Variants in RAPGEF5 observed in about 807,000 individuals in gnomAD.
RAPGEF5 encodes Rap guanine nucleotide exchange factor 5.
RAPGEF5 carries 65 observed loss-of-function variants against 125.2 expected under a neutral mutation model. The ratio of observed to expected loss-of-function variants is 0.52; its 90% CI spans 0.43 to 0.64. The LOEUF (loss-of-function observed/expected upper bound fraction) is 0.64, where lower values mean the gene tolerates loss of function less well. Among genes scored for constraint, RAPGEF5 ranks in the 30% least tolerant of loss-of-function variants. RAPGEF5 has a pLI of 0.00. For synonymous variants in RAPGEF5, 391 were observed against 385.9 expected, an observed-to-expected ratio of 1.01 and a Z score of -0.16; for missense variants, 958 against 1,048.1, an observed-to-expected ratio of 0.91 and a Z score of 1.19.
intron 17 of RAPGEF5, among the ~76,000 whole-genome samples, chr7:22,152,779 T>C (rs1783669869): frequency 6.6e-6 from 1 of 152,232 alleles, no homozygotes; most frequent in African/African-American, 2.4e-5. Flanking sequence ...ATTAAGCTTT[T>C]GAGATTGTTT....
intron 9 of RAPGEF5, among the ~76,000 whole-genome samples, chr7:22,194,346 T>C (rs1379483377): frequency 6.6e-6 from 1 of 152,192 alleles, no homozygotes; most frequent in African/African-American, 2.4e-5. Flanking sequence ...ACTACAAAGT[T>C]CAAAGTTTCA....
chr7:22,290,955 G>A (rs527942552), intron 6 of RAPGEF5, among the ~76,000 whole-genome samples: 1 of 152,128 alleles, frequency 6.6e-6, no homozygotes, highest in South Asian at 2.1e-4. Context: ...AAGGTTGCAG[G>A]AACTTTCCAC....
intron 11 of RAPGEF5, among the ~76,000 whole-genome samples, chr7:22,180,726 A>AT (rs1188503579): frequency 6.6e-6 from 1 of 152,136 alleles, no homozygotes; most frequent in Non-Finnish European, 1.5e-5. Flanking sequence ...ATGGTTCTCA[A>AT]TTTTCTCAAT....
At chr7:22,225,652 G>A (rs1275383335) in intron 8 of RAPGEF5, among the ~76,000 whole-genome samples, 1 of 152,106 alleles carries the variant, frequency 6.6e-6, no homozygotes, top group East Asian at 1.9e-4. Flanking sequence ...GCTTTGCTAT[G>A]GCAGGAGAAG....
At position 22,211,774 on chromosome 7, in the gene RAPGEF5, C is replaced by T. The variant is rs1197994487; in HGVS notation, c.996+8092G>A. Among the ~76,000 whole-genome samples, 3 of 152,036 alleles carry T rather than the reference C, an allele frequency of 2.0e-5. No homozygotes were observed. In the East Asian group the frequency reaches 5.8e-4, roughly 29 times the overall value. On this transcript the variant is annotated intron_variant, in intron 9 of 25. Transcript: ENST00000665637. Reference sequence around the variant, plus strand: ...TTCTTGCTTAAATTCTACACAAAAGCTTCCTATTGCTCTTAGCACACAATG... The same window carrying T: ...TTCTTGCTTAAATTCTACACAAAAGTTTCCTATTGCTCTTAGCACACAATG...
chr7:22,139,823 T>G (rs1319462032), intron 21 of RAPGEF5: 5 of 485,202 alleles, frequency 1.0e-5, no homozygotes, highest in Non-Finnish European at 1.9e-5. Context: ...AGACTAATTC[T>G]AGCTGGGGAG....
intron 24 of RAPGEF5, among the ~76,000 whole-genome samples, chr7:22,126,908 C>A (rs905728720): frequency 1.3e-5 from 2 of 152,176 alleles, no homozygotes; most frequent in African/African-American, 2.4e-5. Flanking sequence ...TAGGTGTGAG[C>A]CACTGTGGCC....
chr7:22,310,818 G>T (rs774725326), intron 3 of RAPGEF5, among the ~76,000 whole-genome samples: 1 of 152,068 alleles, frequency 6.6e-6, no homozygotes, highest in Non-Finnish European at 1.5e-5. Flanking sequence ...CACTAACCAC[G>T]CATGAAAAAT....
At chr7:22,269,961 G>A (rs746233319) in intron 6 of RAPGEF5, among the ~76,000 whole-genome samples, 1 of 152,182 alleles carries the variant, frequency 6.6e-6, no homozygotes, top group Non-Finnish European at 1.5e-5. Context: ...AAGGTCGAAA[G>A]GTTCTGCAGA....
intron 11 of RAPGEF5, among the ~76,000 whole-genome samples, chr7:22,169,542 T>G (rs6964787): frequency 0.77 from 117,171 of 151,776 alleles, 45,659 homozygotes; most frequent in Non-Finnish European, 0.83. Context: ...TCCTCAACCT[T>G]TCAGGTCTGA....
intron 21 of RAPGEF5, among the ~76,000 whole-genome samples, chr7:22,138,987 A>G (rs908854784): frequency 1.3e-5 from 2 of 152,068 alleles, no homozygotes; most frequent in African/African-American, 4.8e-5. Context: ...CGGGGCTTTC[A>G]TTTCTTTTCT....
intron 6 of RAPGEF5, among the ~76,000 whole-genome samples, chr7:22,273,999 A>G (rs1782500922): frequency 6.6e-6 from 1 of 152,136 alleles, no homozygotes; most frequent in Non-Finnish European, 1.5e-5. Context: ...TTACCTTGTC[A>G]TCTCTGCACA....
intron 1 of RAPGEF5, among the ~76,000 whole-genome samples, chr7:22,333,500 G>A (rs757219479): frequency 6.6e-6 from 1 of 152,168 alleles, no homozygotes; most frequent in Non-Finnish European, 1.5e-5. Flanking sequence ...TTTTCTTTGA[G>A]CCAAATTTAA....
intron 6 of RAPGEF5, among the ~76,000 whole-genome samples, chr7:22,273,211 A>ATTTT (rs71026869): frequency 3.0e-4 from 29 of 96,592 alleles, no homozygotes; most frequent in Admixed American, 5.0e-4. Context: ...ACTTAGGAGT[A>ATTTT]TTTTTTTTTT....
intron 8 of RAPGEF5, among the ~76,000 whole-genome samples, chr7:22,228,228 C>G (rs1263414836): frequency 1.3e-5 from 2 of 152,166 alleles, no homozygotes; most frequent in East Asian, 1.9e-4. Context: ...AGGCAGTTTG[C>G]ATGCTGTTTA....
In RAPGEF5 at chr7:22,120,229, C is replaced by T. The variant is rs1782544075; in HGVS notation, c.*2177G>A. The T allele has an allele frequency of 6.6e-6, 1 of 152,192 alleles. No individual in the cohort carries two copies. Among genetic ancestry groups the T allele is most frequent in the Non-Finnish European group, 1.5e-5 (1 of 68,052 alleles). The allele number at this position is 152,192 out of a possible 1,614,324, so 9.4% of individuals were successfully genotyped here. ...TCATTTTCTCCCCAGCCAGTTTACA[C>T]CCATGTCATGTGAGATACTCTGAAG... On this transcript the variant is annotated 3_prime_UTR_variant, in exon 26 of 26. Coordinates refer to ENST00000665637, the MANE Select transcript of RAPGEF5 (RefSeq NM_012294.5). The surrounding 1 kb of genome is among the most constrained non-coding windows in gnomAD (Gnocchi z 4.0).
intron 8 of RAPGEF5, among the ~76,000 whole-genome samples, chr7:22,224,955 G>A (rs973921169): frequency 7.2e-5 from 11 of 151,752 alleles, no homozygotes; most frequent in African/African-American, 2.2e-4. Context: ...GATTTTTCAA[G>A]GAACTCTAAG....
intron 12 of RAPGEF5, chr7:22,162,841 T>G: frequency 2.1e-6 from 1 of 485,360 alleles, no homozygotes; most frequent in Non-Finnish European, 4.0e-6. Flanking sequence ...AGATACTAGG[T>G]GGTCCATTAA....
At chr7:22,172,440 T>A (rs1240015557) in intron 11 of RAPGEF5, among the ~76,000 whole-genome samples, 1 of 152,136 alleles carries the variant, frequency 6.6e-6, no homozygotes, top group East Asian at 1.9e-4. Flanking sequence ...AATTTTTAGG[T>A]CATATAAAAA....
Sources: gnomAD v4.1 joint callset for allele counts (sites outside exome capture counted in the v4.1 genomes callset) on GRCh38, gnomAD v4.1.1 for gene constraint, Gnocchi (gnomAD v3.1) non-coding constraint, MANE v1.5 for transcripts, NCBI Gene and HGNC (gene_info 2026-07-23, HGNC 2026-07-21) for gene names.